Variants in CFAP77 observed in about 807,000 individuals in gnomAD.
The protein encoded by CFAP77 is cilia- and flagella-associated protein 77.
CFAP77 carries 25 observed loss-of-function variants against 31.1 expected under a neutral mutation model. The observed-to-expected ratio is 0.80, with a 90% confidence interval of 0.59 to 1.12. The LOEUF is 1.12. Among genes scored for constraint, CFAP77 ranks in the 50% most tolerant of loss-of-function variants. CFAP77 has a pLI of 0.00. For synonymous variants in CFAP77, 151 were observed against 159.9 expected (o/e 0.94, Z 0.42); for missense variants, 377 against 397.3 (o/e 0.95, Z 0.44).
chr9:132,499,893 G>A lies in CFAP77; in HGVS notation c.524+293G>A, dbSNP rs991999859. On this transcript the variant is annotated intron_variant, in intron 3 of 5. Coordinates refer to ENST00000393216, the MANE Select transcript of CFAP77 (RefSeq NM_001282957.2). The surrounding 1 kb of genome is among the most constrained non-coding windows in gnomAD (Gnocchi z 5.4). ...GGGCCAGGCCCAGTGACTCATCTCT[G>A]TAATCCTAGCACTTTGGGAGGCCCA... Among the ~76,000 whole-genome samples the A allele has an allele frequency of 1.3e-5, 2 of 152,148 alleles. No individual in the cohort carries two copies. Among genetic ancestry groups the A allele is most frequent in the Admixed American group, 6.5e-5 (1 of 15,280 alleles).
intron 1 of CFAP77, among the ~76,000 whole-genome samples, chr9:132,477,406 G>A (rs1851367723): frequency 6.6e-6 from 1 of 152,180 alleles, no homozygotes; most frequent in African/African-American, 2.4e-5. Context: ...CACAGAGCTT[G>A]TTTTAGGGAG....
intron 3 of CFAP77, among the ~76,000 whole-genome samples, chr9:132,532,812 G>A (rs772916940): frequency 3.9e-5 from 6 of 152,156 alleles, no homozygotes; most frequent in Non-Finnish European, 5.9e-5. Context: ...ATTTTGGGAG[G>A]CAGAGGCAGG....
chr9:132,428,013 T>C (rs1850345763), intron 1 of CFAP77, among the ~76,000 whole-genome samples: 2 of 151,992 alleles, frequency 1.3e-5, no homozygotes, highest in South Asian at 4.2e-4. Flanking sequence ...TTTTTTTTTT[T>C]TCTGAGACAG....
chr9:132,502,372 T>G (rs544722227), intron 3 of CFAP77, among the ~76,000 whole-genome samples: 37 of 152,250 alleles, frequency 2.4e-4, no homozygotes, highest in Non-Finnish European at 4.6e-4. Context: ...TGAACCATTT[T>G]TAAGTATACA....
rs1217535033 is a variant in CFAP77, at chr9:132,572,732, C to T, written c.*222C>T. On this transcript the variant is annotated 3_prime_UTR_variant, in exon 6 of 6. Coordinates refer to ENST00000393216, the MANE Select transcript of CFAP77 (RefSeq NM_001282957.2). ...GCCCCAGTGACCCTCTACCTGGAGCCTCCTCCTCTCCTCCTCCTTCTCCTC... is the reference window on the plus strand; with the variant it reads ...GCCCCAGTGACCCTCTACCTGGAGCTTCCTCCTCTCCTCCTCCTTCTCCTC... 2 of 535,910 alleles carry T rather than the reference C, an allele frequency of 3.7e-6. No individual in the cohort carries two copies. Among genetic ancestry groups the T allele is most frequent in the East Asian group, 6.6e-5 (2 of 30,230 alleles). The allele number at this position is 535,910 out of a possible 1,614,324, so 33.2% of individuals were successfully genotyped here. A position where few individuals can be genotyped will look rare whatever the true frequency, so the allele number is the denominator to read the frequency against.
chr9:132,488,662 C>T (rs1005986880), intron 1 of CFAP77, among the ~76,000 whole-genome samples: 3 of 152,200 alleles, frequency 2.0e-5, no homozygotes, highest in African/African-American at 7.2e-5. Flanking sequence ...GGAAATGCTA[C>T]CTGCACCTGC....
intron 1 of CFAP77, among the ~76,000 whole-genome samples, chr9:132,429,485 C>T (rs1207200776): frequency 7.2e-6 from 1 of 139,342 alleles, no homozygotes; most frequent in Non-Finnish European, 1.5e-5. Context: ...TTGTAGTGAG[C>T]CAAGATCGCA....
intron 1 of CFAP77, among the ~76,000 whole-genome samples, chr9:132,445,291 G>A (rs1185926559): frequency 6.6e-6 from 1 of 152,040 alleles, no homozygotes; most frequent in Non-Finnish European, 1.5e-5. Flanking sequence ...TCTATTTTCT[G>A]TCTCTATGAA....
At chr9:132,502,532 A>G (rs60553675) in intron 3 of CFAP77, among the ~76,000 whole-genome samples, 1,680 of 152,124 alleles carry the variant, frequency 0.011, 28 homozygotes, top group African/African-American at 0.039. Context: ...TTCTGTTCCT[A>G]TGAATTTGAC....
intron 5 of CFAP77, among the ~76,000 whole-genome samples, chr9:132,562,486 T>C (rs906879605): frequency 2.0e-5 from 3 of 152,172 alleles, no homozygotes; most frequent in Non-Finnish European, 4.4e-5. Context: ...TTTTTTCATA[T>C]CAAGGAAATC....
chr9:132,562,705 A>AT lies in CFAP77; in HGVS notation c.733-9671dup, dbSNP rs955963280. On this transcript the variant is annotated intron_variant, in intron 5 of 5. Transcript: ENST00000393216. The stretch of plus-strand genomic sequence containing the variant: ...GTTGTTGTTGTTTTTGTTTTATTTT[A>AT]TTTTTTTTTTTTGAGACAGAGTCTC... Among the ~76,000 whole-genome samples the AT allele has an allele frequency of 4.2e-3, 614 of 146,856 alleles. 1 individual carries two copies. Among genetic ancestry groups the AT allele is most frequent in the Middle Eastern group, 7.3e-3 (2 of 274 alleles).
intron 5 of CFAP77, among the ~76,000 whole-genome samples, chr9:132,569,690 G>A (rs1428975658): frequency 6.7e-6 from 1 of 148,812 alleles, no homozygotes; most frequent in Admixed American, 6.7e-5. Context: ...AGACCCCAAG[G>A]TCTGATGCAC....
chr9:132,504,527 C>T (rs1169596633), intron 3 of CFAP77, among the ~76,000 whole-genome samples: 3 of 152,180 alleles, frequency 2.0e-5, no homozygotes, highest in Non-Finnish European at 4.4e-5. Context: ...CAGACATTAA[C>T]ATTAATTGCA....
At position 132,536,990 on chromosome 9, in the gene CFAP77, A is replaced by AT. The variant is rs149663810; in HGVS notation, c.525-611_525-610insT. On this transcript the variant is annotated intron_variant, in intron 3 of 5. Transcript: ENST00000393216. ...ATCGTTGTCAAAGGGAACCAGAGCC[A>AT]GACACTGATTAAAGGTGGTAAAGAC... Among the ~76,000 whole-genome samples the AT allele has an allele frequency of 1.5e-3, 222 of 152,320 alleles. 1 individual carries two copies. The East Asian group carries it at 0.02, about 14-fold the overall frequency.
intron 1 of CFAP77, among the ~76,000 whole-genome samples, chr9:132,466,611 C>T (rs1324393442): frequency 1.3e-5 from 2 of 152,194 alleles, no homozygotes; most frequent in Non-Finnish European, 2.9e-5. Flanking sequence ...AAGACTGGAT[C>T]GGTGTGGGGA....
intron 5 of CFAP77, among the ~76,000 whole-genome samples, chr9:132,560,907 T>G (rs79875116): frequency 0.069 from 10,452 of 152,224 alleles, 854 homozygotes; most frequent in African/African-American, 0.2. Flanking sequence ...GGCTGTTCTT[T>G]GAAATCGCAG....
At chr9:132,423,679 G>A (rs938296017) in intron 1 of CFAP77, among the ~76,000 whole-genome samples, 4 of 152,206 alleles carry the variant, frequency 2.6e-5, no homozygotes, top group African/African-American at 9.7e-5. Flanking sequence ...GGCCATCACT[G>A]GTTGAGTACC....
chr9:132,496,444 C>T (rs1321723430), intron 1 of CFAP77, among the ~76,000 whole-genome samples: 2 of 152,214 alleles, frequency 1.3e-5, no homozygotes, highest in African/African-American at 4.8e-5. Context: ...AATTTTAAAA[C>T]ATTTTCATCA....
At chr9:132,562,558 A>G (rs1389344897) in intron 5 of CFAP77, among the ~76,000 whole-genome samples, 1 of 152,116 alleles carries the variant, frequency 6.6e-6, no homozygotes, top group Non-Finnish European at 1.5e-5. Flanking sequence ...AGATTCATGC[A>G]CATTGGTTCT....
Sources: allele counts gnomAD v4.1 joint callset (sites outside exome capture counted in the v4.1 genomes callset), GRCh38; gene constraint gnomAD v4.1.1; non-coding constraint Gnocchi (gnomAD v3.1); transcripts MANE v1.5; gene names NCBI Gene and HGNC (gene_info 2026-07-23, HGNC 2026-07-21).